The following PTPRT variants were observed in gnomAD, a reference collection of about 807,000 sequenced individuals.
The protein encoded by PTPRT is protein tyrosine phosphatase receptor type T, also known as receptor-type tyrosine-protein phosphatase T.
In PTPRT, 56 loss-of-function variants were observed where a neutral mutation model predicts 176.8. The ratio of observed to expected loss-of-function variants is 0.32; its 90% confidence interval spans 0.26 to 0.40. The LOEUF (loss-of-function observed/expected upper bound fraction) is 0.40, where lower values mean the gene tolerates loss of function less well. Among genes scored for constraint, PTPRT ranks in the 10% least tolerant of loss-of-function variants. The pLI, the probability that PTPRT is intolerant of heterozygous loss-of-function variation, is 1.00. For missense variants in PTPRT, 1,540 were observed against 1,908.2 expected (o/e 0.81, Z 3.60); for synonymous variants, 783 against 739.0 (o/e 1.06, Z -0.96).
intron 1 of PTPRT, among the ~76,000 whole-genome samples, chr20:43,139,020 A>T (rs558066428): frequency 6.6e-6 from 1 of 152,358 alleles, no homozygotes; most frequent in Admixed American, 6.5e-5. Context: ...GAAACACTGC[A>T]GAGATTCTAC....
chr20:42,189,833 T>A (rs1434742762), intron 16 of PTPRT, among the ~76,000 whole-genome samples: 1 of 152,182 alleles, frequency 6.6e-6, no homozygotes, highest in Non-Finnish European at 1.5e-5. Flanking sequence ...TCTAAGGTAA[T>A]TTTTAGTTTT....
intron 17 of PTPRT, among the ~76,000 whole-genome samples, chr20:42,145,469 C>T (rs1988819068): frequency 6.6e-6 from 1 of 151,772 alleles, no homozygotes; most frequent in African/African-American, 2.4e-5. Context: ...CACTGCACTC[C>T]TGCCTGGGTG....
chr20:42,194,920 A>G (rs893520104), intron 16 of PTPRT, among the ~76,000 whole-genome samples: 1 of 152,182 alleles, frequency 6.6e-6, no homozygotes, highest in Non-Finnish European at 1.5e-5. Flanking sequence ...AAAATCAAAC[A>G]CCGCATGTTC....
chr20:42,042,845 A>T, the PTPRT span, among the ~76,000 whole-genome samples: 1 of 152,244 alleles, frequency 6.6e-6, no homozygotes, highest in Non-Finnish European at 1.5e-5. Context: ...CCTGACTTGC[A>T]GGAATGTGTG....
chr20:42,502,715 G>A (rs1182190701), intron 7 of PTPRT, among the ~76,000 whole-genome samples: 1 of 151,974 alleles, frequency 6.6e-6, no homozygotes, highest in African/African-American at 2.4e-5. Flanking sequence ...ATTTATGTTG[G>A]TGCCAGATTT....
intron 12 of PTPRT, among the ~76,000 whole-genome samples, chr20:42,298,591 A>G (rs900523216): frequency 3.3e-5 from 5 of 152,234 alleles, no homozygotes; most frequent in Non-Finnish European, 7.3e-5. Flanking sequence ...CAATATAGCC[A>G]CACATGAGAG....
intron 25 of PTPRT, among the ~76,000 whole-genome samples, chr20:42,103,863 C>A (rs1211671354): frequency 6.6e-6 from 1 of 152,218 alleles, no homozygotes; most frequent in South Asian, 2.1e-4. Context: ...AAGACAAGTA[C>A]CAGCAATCCC....
At chr20:42,197,976 C>T (rs1991299466) in intron 16 of PTPRT, among the ~76,000 whole-genome samples, 2 of 152,168 alleles carry the variant, frequency 1.3e-5, no homozygotes, top group South Asian at 4.1e-4. Context: ...TATGAGAACT[C>T]TCTGAATGAC....
At chr20:42,133,326 C>T (rs1219559726) in intron 18 of PTPRT, among the ~76,000 whole-genome samples, 1 of 152,140 alleles carries the variant, frequency 6.6e-6, no homozygotes, top group Non-Finnish European at 1.5e-5. Context: ...AGCATTCATT[C>T]GATATCCATA....
chr20:42,839,563 T>C (rs756748947), intron 2 of PTPRT, among the ~76,000 whole-genome samples: 9 of 152,116 alleles, frequency 5.9e-5, no homozygotes, highest in South Asian at 4.1e-4. Flanking sequence ...AAGCACTCAC[T>C]GTGTGCCAGA....
At chr20:43,102,634 G>T (rs1327220347) in intron 1 of PTPRT, among the ~76,000 whole-genome samples, 1 of 152,208 alleles carries the variant, frequency 6.6e-6, no homozygotes, top group African/African-American at 2.4e-5. Flanking sequence ...GTGGCTGTGG[G>T]TGCAGAGCAG....
chr20:42,586,812 T>G (rs1356083429), intron 7 of PTPRT, among the ~76,000 whole-genome samples: 1 of 152,184 alleles, frequency 6.6e-6, no homozygotes. Flanking sequence ...CTATACCCCA[T>G]GTATATAACC....
intron 11 of PTPRT, among the ~76,000 whole-genome samples, chr20:42,336,935 T>C (rs896608403): frequency 1.3e-5 from 2 of 152,168 alleles, no homozygotes; most frequent in African/African-American, 2.4e-5. Context: ...AGATGTAGTA[T>C]ATCTCTACTC....
chr20:42,719,595 C>T (rs2223540), intron 6 of PTPRT, among the ~76,000 whole-genome samples: 64,372 of 151,934 alleles, frequency 0.42, 14,891 homozygotes, highest in African/African-American at 0.62. Context: ...GGGAATGTTA[C>T]AGCTAAAGAG....
intron 7 of PTPRT, among the ~76,000 whole-genome samples, chr20:42,538,104 G>A (rs993186756): frequency 2.0e-5 from 3 of 151,898 alleles, no homozygotes; most frequent in African/African-American, 7.3e-5. Flanking sequence ...TTACAGATGT[G>A]GAAAGGTGAG....
At chr20:42,633,929 TATA>T (rs1293233198) in intron 7 of PTPRT, among the ~76,000 whole-genome samples, 3 of 45,548 alleles carry the variant, frequency 6.6e-5, no homozygotes, top group East Asian at 6.4e-4. Flanking sequence ...TATAATATAT[TATA>T]ATAATATAAT....
intron 7 of PTPRT, among the ~76,000 whole-genome samples, chr20:42,563,963 A>G (rs1169076884): frequency 6.6e-6 from 1 of 152,164 alleles, no homozygotes; most frequent in Non-Finnish European, 1.5e-5. Flanking sequence ...GGCTCCTTCT[A>G]TCGGTGGCTC....
At chr20:42,257,538 A>G (rs527290196) in intron 13 of PTPRT, among the ~76,000 whole-genome samples, 5 of 150,852 alleles carry the variant, frequency 3.3e-5, no homozygotes, top group South Asian at 4.2e-4. Flanking sequence ...AGGTGGTTGG[A>G]TCCCTCATGA....
intron 15 of PTPRT, among the ~76,000 whole-genome samples, chr20:42,218,402 C>T (rs1229934448): frequency 6.6e-6 from 1 of 152,156 alleles, no homozygotes; most frequent in Non-Finnish European, 1.5e-5. Flanking sequence ...ATCAGAGTGT[C>T]TTCATGATCC....
Sources: allele counts gnomAD v4.1 joint callset (sites outside exome capture counted in the v4.1 genomes callset), GRCh38; gene constraint gnomAD v4.1.1; transcripts MANE v1.5; gene names NCBI Gene and HGNC (gene_info 2026-07-23, HGNC 2026-07-21).